STK24: variants seen among roughly 807,000 people sequenced by gnomAD.
STK24 encodes the protein serine/threonine kinase 24.
In STK24, 21 loss-of-function variants were observed where a neutral mutation model predicts 55.6. The observed-to-expected ratio is 0.38, with a 90% confidence interval of 0.27 to 0.54. The LOEUF is 0.54. Among genes scored for constraint, STK24 ranks in the 20% least tolerant of loss-of-function variants. The probability of loss-of-function intolerance (pLI) is 0.79; values close to 1 mark genes in which losing one functional copy is unlikely to be tolerated. For synonymous variants in STK24, 200 were observed against 215.2 expected, an observed-to-expected ratio of 0.93 and a Z score of 0.62; for missense variants, 383 against 538.4, an observed-to-expected ratio of 0.71 and a Z score of 2.86.
At chr13:98,495,896 C>T (rs567521650) in intron 2 of STK24, among the ~76,000 whole-genome samples, 2 of 152,312 alleles carry the variant, frequency 1.3e-5, no homozygotes, top group Non-Finnish European at 2.9e-5. Context: ...CAGTCTGATA[C>T]CACGGGCTCC....
chr13:98,483,917 C>T (rs1292820455), intron 2 of STK24, among the ~76,000 whole-genome samples: 1 of 152,200 alleles, frequency 6.6e-6, no homozygotes, highest in Non-Finnish European at 1.5e-5. Flanking sequence ...ATAAACAGCC[C>T]AAGTTTTAAT....
intron 5 of STK24, among the ~76,000 whole-genome samples, chr13:98,473,767 A>C (rs369192573): frequency 6.6e-6 from 1 of 152,148 alleles, no homozygotes; most frequent in Admixed American, 6.5e-5. Flanking sequence ...AGACGGGCTC[A>C]CTCCTCCCAA....
At chr13:98,463,885 C>T (rs776844386) in intron 6 of STK24, 49 bp from the exon 7 acceptor site, 1 of 1,595,152 alleles carries the variant, frequency 6.3e-7, no homozygotes, top group Non-Finnish European at 8.6e-7. Flanking sequence ...GTTCTTGGTC[C>T]TACCCCAAAG....
chr13:98,463,146 C>T lies in STK24; in HGVS notation c.929+545G>A, dbSNP rs778963813. ...CACGAGAACAGACGAGTCCCACGCT[C>T]GGACTTCCAGACACAAGTCTGCCCG... On this transcript the variant is annotated intron_variant, in intron 7 of 10. Transcript: ENST00000539966. Among the ~76,000 whole-genome samples the T allele has an allele frequency of 3.1e-4, 47 of 152,270 alleles. No homozygotes were observed. The Middle Eastern group carries it at 0.01, about 33-fold the overall frequency.
intron 1 of STK24, among the ~76,000 whole-genome samples, chr13:98,532,660 A>C (rs1338128979): frequency 6.6e-6 from 1 of 152,256 alleles, no homozygotes; most frequent in Non-Finnish European, 1.5e-5. Flanking sequence ...AATGGCTCCA[A>C]GAAGCTCAAA....
intron 1 of STK24, among the ~76,000 whole-genome samples, chr13:98,573,281 C>A (rs545929362): frequency 6.6e-6 from 1 of 152,180 alleles, no homozygotes; most frequent in Non-Finnish European, 1.5e-5. Flanking sequence ...AAACCAAAAT[C>A]TCATTTTTAA....
At chr13:98,513,345 C>T (rs531039179) in intron 2 of STK24, among the ~76,000 whole-genome samples, 14 of 152,324 alleles carry the variant, frequency 9.2e-5, no homozygotes, top group South Asian at 8.3e-4. Flanking sequence ...GTTCATTCCA[C>T]GCAGCAGTTT....
In STK24 at chr13:98,475,320, A is replaced by G. The variant is rs1167989912; in HGVS notation, c.369T>C (p.Thr123=). Residue 123 remains threonine (T), a synonymous_variant, in exon 4 of 11, where the codon ACT becomes ACC. Coordinates refer to ENST00000539966, the MANE Select transcript of STK24 (RefSeq NM_001032296.4). The part of the protein sequence containing the change: ...PGPLDETQIA[T]ILREILKGLD... ...GTCCTTTCAGTATTTCTCTTAATAT[A>G]GTAGCGATCTGGGTTTCATCTAATG... 1.2e-6 allele frequency: 2 copies of G among 1,613,572 alleles called. No individual in the cohort carries two copies. Among genetic ancestry groups the G allele is most frequent in the East Asian group, 4.5e-5 (2 of 44,882 alleles).
In STK24 at chr13:98,452,013, C is replaced by G. The variant is rs926262878; in HGVS notation, c.*1160G>C. On this transcript the variant is annotated 3_prime_UTR_variant, in exon 11 of 11. Coordinates refer to ENST00000539966, the MANE Select transcript of STK24 (RefSeq NM_001032296.4). ...AGTCCAGGGCGCTGACCTGGGCACT[C>G]GGCAGCTCCAGGCCTGGGGACTTCT... 1 of 152,218 alleles carries G rather than the reference C, an allele frequency of 6.6e-6. No individual in the cohort carries two copies. Among genetic ancestry groups the G allele is most frequent in the Non-Finnish European group, 1.5e-5 (1 of 68,090 alleles). 9.4% of individuals were successfully genotyped at this position (152,218 alleles called of 1,614,324 possible). A position where few individuals can be genotyped will look rare whatever the true frequency, so the allele number is the denominator to read the frequency against.
In STK24 at chr13:98,576,890, C is replaced by G. The variant is rs962872296; in HGVS notation, c.-104G>C. 2 of 743,388 alleles carry G rather than the reference C, an allele frequency of 2.7e-6. No homozygotes were observed. The highest frequency in any genetic ancestry group is 1.9e-5 in the African/African-American group (1 of 51,506). The allele number at this position is 743,388 out of a possible 1,614,324, so 46.0% of individuals were successfully genotyped here. On this transcript the variant is annotated 5_prime_UTR_variant, in exon 1 of 11. Coordinates refer to ENST00000539966, the MANE Select transcript of STK24 (RefSeq NM_001032296.4). Reference sequence around the variant, plus strand: ...GCGCGCAGCCCTCGGGCGGCGGGGCCGGCCGGAGCCCGAGGCCACCCCAGC... The same window carrying G: ...GCGCGCAGCCCTCGGGCGGCGGGGCGGGCCGGAGCCCGAGGCCACCCCAGC...
rs1448956831 is a variant in STK24, at chr13:98,447,837, CCT to C, written c.*5334_*5335del. The C allele has an allele frequency of 1.6e-5, 3 of 184,756 alleles. No homozygotes were observed. The highest frequency in any genetic ancestry group is 1.8e-4 in the South Asian group (2 of 11,212). 11.4% of individuals were successfully genotyped at this position (184,756 alleles called of 1,614,324 possible). ...TCCAGTATGAGTGACAGAGCCAGAC[CCT>C]GTCTCAAAAAAAAAAGAAAAAGAAA... On this transcript the variant is annotated 3_prime_UTR_variant, in exon 11 of 11. Transcript: ENST00000539966.
At chr13:98,567,402 C>T (rs1371383970) in intron 1 of STK24, among the ~76,000 whole-genome samples, 2 of 152,214 alleles carry the variant, frequency 1.3e-5, no homozygotes, top group South Asian at 2.1e-4. Flanking sequence ...ATACTCAATT[C>T]TGGACCAGGG....
chr13:98,510,086 C>T (rs773016813), intron 2 of STK24, among the ~76,000 whole-genome samples: 7 of 152,152 alleles, frequency 4.6e-5, no homozygotes, highest in Non-Finnish European at 8.8e-5. Flanking sequence ...TGATGGTGTA[C>T]GGACTCTGTA....
chr13:98,535,367 AAAAAT>A (rs1222275005), intron 1 of STK24, among the ~76,000 whole-genome samples: 644 of 29,868 alleles, frequency 0.022, 13 homozygotes, highest in African/African-American at 0.053. Context: ...CAAACAAAAA[AAAAAT>A]ATATATATAT....
At chr13:98,467,387 A>G (rs1034089809) in intron 5 of STK24, among the ~76,000 whole-genome samples, 1 of 152,152 alleles carries the variant, frequency 6.6e-6, no homozygotes, top group East Asian at 1.9e-4. Context: ...AATGTCATGT[A>G]TAATTAAATG....
At chr13:98,491,340 A>G (rs1895023853) in intron 2 of STK24, among the ~76,000 whole-genome samples, 1 of 151,958 alleles carries the variant, frequency 6.6e-6, no homozygotes, top group African/African-American at 2.4e-5. Context: ...GGGGAGGGAG[A>G]CCCCAGGCTT....
At chr13:98,487,155 G>A (rs927318168) in intron 2 of STK24, among the ~76,000 whole-genome samples, 1 of 152,280 alleles carries the variant, frequency 6.6e-6, no homozygotes, top group Non-Finnish European at 1.5e-5. Flanking sequence ...CATGGCAGGA[G>A]CGTCTGAGTG....
intron 3 of STK24, among the ~76,000 whole-genome samples, chr13:98,476,599 G>C (rs2139291231): frequency 6.6e-6 from 1 of 152,386 alleles, no homozygotes; most frequent in African/African-American, 2.4e-5. Flanking sequence ...CTCTGGGACA[G>C]AGCCCGACAG....
chr13:98,549,205 TAGTC>T (rs892467382), intron 1 of STK24, among the ~76,000 whole-genome samples: 3 of 152,220 alleles, frequency 2.0e-5, no homozygotes, highest in Admixed American at 6.5e-5. Flanking sequence ...ACTTCTGTCT[TAGTC>T]AGCTCAGACT....
Sources: allele counts gnomAD v4.1 joint callset (sites outside exome capture counted in the v4.1 genomes callset), GRCh38; gene constraint gnomAD v4.1.1; transcripts MANE v1.5; gene names NCBI Gene and HGNC (gene_info 2026-07-23, HGNC 2026-07-21).